IMMP2L: variants seen among roughly 807,000 people sequenced by gnomAD.
IMMP2L encodes mitochondrial inner membrane protease subunit 2.
A neutral mutation model predicts 19.3 loss-of-function variants in IMMP2L; 18 were observed. The observed-to-expected ratio is 0.93, with a 90% CI of 0.64 to 1.38. The LOEUF (loss-of-function observed/expected upper bound fraction) is 1.38, where lower values mean the gene tolerates loss of function less well. Among genes scored for constraint, IMMP2L ranks in the 40% most tolerant of loss-of-function variants. The pLI, the probability that IMMP2L is intolerant of heterozygous loss-of-function variation, is 0.00. For synonymous variants in IMMP2L, 76 were observed against 73.0 expected (o/e 1.04, Z -0.21); for missense variants, 233 against 218.2 (o/e 1.07, Z -0.43).
intron 1 of IMMP2L, among the ~76,000 whole-genome samples, chr7:111,538,296 G>A: frequency 6.6e-6 from 1 of 151,986 alleles, no homozygotes; most frequent in East Asian, 1.9e-4. Context: ...TGTGATATAA[G>A]TTCTGGAGGC....
At chr7:110,815,284 G>A (rs1268512548) in intron 5 of IMMP2L, among the ~76,000 whole-genome samples, 3 of 152,060 alleles carry the variant, frequency 2.0e-5, no homozygotes, top group Admixed American at 2.0e-4. Flanking sequence ...ATTTGCGTAT[G>A]CTGAACCAGC....
intron 2 of IMMP2L, among the ~76,000 whole-genome samples, chr7:111,498,652 A>AACATAT (rs1843831612): frequency 6.6e-6 from 1 of 152,188 alleles, no homozygotes; most frequent in Non-Finnish European, 1.5e-5. Context: ...CAAATTCCCC[A>AACATAT]ACATATACAA....
chr7:110,815,949 T>C (rs918968560), intron 5 of IMMP2L, among the ~76,000 whole-genome samples: 2 of 152,162 alleles, frequency 1.3e-5, no homozygotes, highest in Admixed American at 6.5e-5. Context: ...GAAGGGTTTT[T>C]TGTGTCTCTA....
At chr7:110,738,699 C>T (rs894029458) in intron 5 of IMMP2L, among the ~76,000 whole-genome samples, 1 of 152,078 alleles carries the variant, frequency 6.6e-6, no homozygotes, top group African/African-American at 2.4e-5. Flanking sequence ...TCTAGACATC[C>T]AAATACAAGA....
At chr7:111,497,553 A>T (rs546627597) in intron 2 of IMMP2L, among the ~76,000 whole-genome samples, 1 of 152,180 alleles carries the variant, frequency 6.6e-6, no homozygotes, top group South Asian at 2.1e-4. Context: ...AATGCGACAT[A>T]GAAAAAACAA....
chr7:110,679,624 C>T (rs1298637273), intron 5 of IMMP2L, among the ~76,000 whole-genome samples: 1 of 151,950 alleles, frequency 6.6e-6, no homozygotes, highest in Admixed American at 6.6e-5. Flanking sequence ...ATCTGGTACC[C>T]ACTGCCAATC....
At chr7:111,184,137 T>G (rs1215404748) in intron 3 of IMMP2L, among the ~76,000 whole-genome samples, 1 of 152,016 alleles carries the variant, frequency 6.6e-6, no homozygotes, top group Non-Finnish European at 1.5e-5. Context: ...TACTACTTTA[T>G]TAGAGATATA....
chr7:110,785,262 C>T (rs1157329188), intron 5 of IMMP2L, among the ~76,000 whole-genome samples: 2 of 151,904 alleles, frequency 1.3e-5, no homozygotes, highest in African/African-American at 4.8e-5. Flanking sequence ...TAAAAATTTG[C>T]ATCAACACAG....
chr7:111,380,392 A>G (rs79516419), intron 3 of IMMP2L, among the ~76,000 whole-genome samples: 3,238 of 152,070 alleles, frequency 0.021, 124 homozygotes, highest in African/African-American at 0.074. Flanking sequence ...TCCTCCACAC[A>G]CAGACTGATA....
At chr7:111,364,029 T>TA (rs1829520922) in intron 3 of IMMP2L, among the ~76,000 whole-genome samples, 1 of 152,036 alleles carries the variant, frequency 6.6e-6, no homozygotes, top group Admixed American at 6.6e-5. Context: ...TCTACCCCTT[T>TA]ATACACATAC....
intron 3 of IMMP2L, among the ~76,000 whole-genome samples, chr7:111,482,826 G>A (rs550472684): frequency 3.9e-4 from 60 of 152,108 alleles, no homozygotes; most frequent in South Asian, 2.5e-3. Context: ...TTGAAAGAGA[G>A]TCTGGCATCA....
chr7:111,285,963 C>T (rs1820434951), intron 3 of IMMP2L, among the ~76,000 whole-genome samples: 2 of 152,118 alleles, frequency 1.3e-5, no homozygotes, highest in South Asian at 2.1e-4. Context: ...AAACCAGTCA[C>T]TATAATCCAA....
intron 3 of IMMP2L, among the ~76,000 whole-genome samples, chr7:111,140,817 T>C (rs531263793): frequency 3.9e-5 from 6 of 152,216 alleles, no homozygotes; most frequent in Admixed American, 2.0e-4. Context: ...AAAAATAGTC[T>C]ATTCTTCCAC....
intron 5 of IMMP2L, among the ~76,000 whole-genome samples, chr7:110,867,726 C>T (rs1366753652): frequency 2.0e-5 from 3 of 151,996 alleles, no homozygotes; most frequent in South Asian, 2.1e-4. Context: ...ATGAAAGCAG[C>T]TGCCAATCCA....
intron 3 of IMMP2L, among the ~76,000 whole-genome samples, chr7:111,004,408 T>C (rs896360944): frequency 6.6e-6 from 1 of 152,126 alleles, no homozygotes; most frequent in Non-Finnish European, 1.5e-5. Flanking sequence ...CAAATGATCC[T>C]TCTGTCTTGG....
At chr7:111,277,197 A>C (rs1819167199) in intron 3 of IMMP2L, among the ~76,000 whole-genome samples, 1 of 152,162 alleles carries the variant, frequency 6.6e-6, no homozygotes. Context: ...ATGGGAAAAA[A>C]TATTTGCATT....
chr7:110,986,680 G>A (rs566272419), intron 3 of IMMP2L, among the ~76,000 whole-genome samples: 15 of 152,150 alleles, frequency 9.9e-5, no homozygotes, highest in African/African-American at 3.6e-4. Context: ...TCCAGAGTTG[G>A]GAAATTTAGT....
At chr7:110,839,521 T>C (rs1335488458) in intron 5 of IMMP2L, among the ~76,000 whole-genome samples, 1 of 152,018 alleles carries the variant, frequency 6.6e-6, no homozygotes, top group Admixed American at 6.6e-5. Flanking sequence ...CCTACAGCTG[T>C]ACCTTTACCC....
chr7:111,210,082 T>A (rs1586842572), intron 3 of IMMP2L, among the ~76,000 whole-genome samples: 1 of 152,270 alleles, frequency 6.6e-6, no homozygotes, highest in East Asian at 1.9e-4. Context: ...GCTCCTTGTA[T>A]CTCCTTTTGG....
Sources: gnomAD v4.1 joint callset for allele counts (sites outside exome capture counted in the v4.1 genomes callset) on GRCh38, gnomAD v4.1.1 for gene constraint, MANE v1.5 for transcripts, NCBI Gene and HGNC (gene_info 2026-07-23, HGNC 2026-07-21) for gene names.